Variants in HYDIN observed in about 807,000 individuals in gnomAD.
The protein encoded by HYDIN is axonemal central pair apparatus protein HYDIN.
Under a neutral mutation model 403.9 loss-of-function variants are expected in HYDIN, and 132 were observed. That is an observed-to-expected ratio of 0.33 (90% confidence interval 0.28 to 0.38). The LOEUF is 0.38. Among genes scored for constraint, HYDIN ranks in the 10% least tolerant of loss-of-function variants. The pLI, the probability that HYDIN is intolerant of heterozygous loss-of-function variation, is 1.00. For synonymous variants in HYDIN, 1,202 were observed against 1,891.7 expected, an observed-to-expected ratio of 0.64 and a Z score of 9.46; for missense variants, 2,827 against 5,009.5, an observed-to-expected ratio of 0.56 and a Z score of 13.15.
intron 35 of HYDIN, 40 bp downstream of exon 35, chr16:70,973,303 C>G (rs60220921): frequency 0.015 from 4,716 of 319,654 alleles, 44 homozygotes; most frequent in Middle Eastern, 0.059. Context: ...TCAAAGAGGT[C>G]CAGAGAATCT....
Position 70,857,846 on chromosome 16 carries a change from G to C in HYDIN, c.12154C>G (p.His4052Asp), listed in dbSNP as rs868484151. 1.2e-6 allele frequency: 2 copies of C among 1,613,026 alleles called. No homozygotes were observed. Among genetic ancestry groups the C allele is most frequent in the African/African-American group, 1.3e-5 (1 of 74,636 alleles). Residue 4052 changes from histidine (H) to aspartate (D), a missense_variant, in exon 72 of 86, where the codon CAT becomes GAT. Coordinates refer to ENST00000393567, the MANE Select transcript of HYDIN (RefSeq NM_001270974.2). ...CATGATGACTCAGTGATGCCCAGAT[G>C]GAAAGGTGTGAACTGGAACACGATC... ...AEIVFQFTPF[H>D]LGITESSWTF...
rs3114613 is a variant in HYDIN at position 71,153,071 on chromosome 16, T to C, written c.717-288A>G. ...GCTTTTAACATTCATTGAGTATCCCTGCTGGGCTCAGGCACTCAAGTTAGG... is the reference window on the plus strand; with the variant it reads ...GCTTTTAACATTCATTGAGTATCCCCGCTGGGCTCAGGCACTCAAGTTAGG... On this transcript the variant is annotated intron_variant, in intron 6 of 85. Transcript: ENST00000393567. Among the ~76,000 whole-genome samples, 8 of 152,360 alleles carry C rather than the reference T, an allele frequency of 5.3e-5. No homozygotes were observed. The East Asian group carries it at 9.6e-4, about 18-fold the overall frequency.
At chr16:71,210,707 C>T (rs2088542612) in intron 1 of HYDIN, among the ~76,000 whole-genome samples, 1 of 152,136 alleles carries the variant, frequency 6.6e-6, no homozygotes, top group East Asian at 1.9e-4. Flanking sequence ...CCAGGTATGT[C>T]AGCATGTCAT....
intron 7 of HYDIN, among the ~76,000 whole-genome samples, chr16:71,137,846 A>G (rs112485180): frequency 5.7e-3 from 865 of 151,662 alleles, no homozygotes; most frequent in Non-Finnish European, 9.4e-3. Flanking sequence ...AAAAATAGAA[A>G]ACTGACTACT....
At chr16:71,026,635 T>G (rs1209506143) in intron 20 of HYDIN, among the ~76,000 whole-genome samples, 1 of 152,190 alleles carries the variant, frequency 6.6e-6, no homozygotes, top group Non-Finnish European at 1.5e-5. Flanking sequence ...GCTGATCACC[T>G]GAATAACAGA....
At chr16:70,893,824 C>T (rs2041619348) in intron 55 of HYDIN, 1 of 152,288 alleles carries the variant, frequency 6.6e-6, no homozygotes, top group Admixed American at 6.5e-5. Context: ...CACACCCAGC[C>T]TCTGTGTTTC....
chr16:71,190,290 G>A (rs1189896092), intron 1 of HYDIN, among the ~76,000 whole-genome samples: 1 of 151,552 alleles, frequency 6.6e-6, no homozygotes, highest in Non-Finnish European at 1.5e-5. Flanking sequence ...GGGTTGTCAG[G>A]GATCCAGAGC....
intron 73 of HYDIN, among the ~76,000 whole-genome samples, chr16:70,854,064 G>T (rs956356298): frequency 1.1e-4 from 17 of 149,952 alleles, no homozygotes; most frequent in Non-Finnish European, 2.2e-4. Flanking sequence ...AGTTTTAGTA[G>T]AGACGGGGTT....
intron 5 of HYDIN, among the ~76,000 whole-genome samples, chr16:71,165,410 A>G (rs1469988324): frequency 2.0e-5 from 3 of 150,544 alleles, no homozygotes; most frequent in Admixed American, 6.7e-5. Context: ...CCTATTTTCA[A>G]TGGAACTCTC....
intron 1 of HYDIN, among the ~76,000 whole-genome samples, chr16:71,194,122 T>C (rs1046166338): frequency 2.0e-5 from 3 of 152,182 alleles, no homozygotes; most frequent in East Asian, 1.9e-4. Context: ...TTTAAAAAAA[T>C]AATTTTTGGG....
intron 76 of HYDIN, among the ~76,000 whole-genome samples, chr16:70,839,361 G>A (rs1597090594): frequency 6.8e-6 from 1 of 146,438 alleles, no homozygotes; most frequent in South Asian, 2.1e-4. Flanking sequence ...TAGCCAATAT[G>A]GTGGCCACTA....
intron 28 of HYDIN, 50 bp downstream of exon 28, chr16:70,985,135 G>A (rs769284212): frequency 1.0e-5 from 16 of 1,571,148 alleles, no homozygotes; most frequent in Non-Finnish European, 1.2e-5. Context: ...CACCTGCTTC[G>A]GAGTGGGGCT....
chr16:71,167,652 A>C (rs1351851855), intron 5 of HYDIN, among the ~76,000 whole-genome samples: 1 of 152,194 alleles, frequency 6.6e-6, no homozygotes, highest in Non-Finnish European at 1.5e-5. Context: ...ATTTTTTCAT[A>C]ATCAATTCAC....
At position 70,806,100 on chromosome 16, in the gene HYDIN, T is replaced by C. The variant is rs1356242787; in HGVS notation, c.*1480A>G. Among the ~76,000 whole-genome samples, 2 of 152,222 alleles carry C rather than the reference T, an allele frequency of 1.3e-5. No homozygotes were observed. Among genetic ancestry groups the C allele is most frequent in the African/African-American group, 4.8e-5 (2 of 41,452 alleles). ...TTCAAGGAAACCTTATTTAGTTTAA[T>C]AATGGCCCCAAAGCACATGGGTAGT... On this transcript the variant is annotated 3_prime_UTR_variant, in exon 86 of 86. Coordinates refer to ENST00000393567, the MANE Select transcript of HYDIN (RefSeq NM_001270974.2).
chr16:71,114,096 G>A (rs2083928428), intron 10 of HYDIN: 1 of 151,394 alleles, frequency 6.6e-6, no homozygotes, highest in Non-Finnish European at 1.5e-5. Flanking sequence ...GATAAACCAA[G>A]ATAGCATCTC....
chr16:71,009,867 C>T (rs1197687705), intron 23 of HYDIN, among the ~76,000 whole-genome samples: 5 of 122,756 alleles, frequency 4.1e-5, no homozygotes, highest in East Asian at 2.3e-4. Context: ...CTGCAGCTTC[C>T]GGAGGGAGCA....
intron 1 of HYDIN, among the ~76,000 whole-genome samples, chr16:71,227,052 G>A (rs112211500): frequency 1.3e-5 from 2 of 151,994 alleles, no homozygotes; most frequent in African/African-American, 4.8e-5. Flanking sequence ...GTAACAAAAT[G>A]TTTTAAAAAG....
intron 23 of HYDIN, among the ~76,000 whole-genome samples, chr16:71,000,776 G>T (rs935606498): frequency 6.6e-6 from 1 of 152,042 alleles, no homozygotes; most frequent in African/African-American, 2.4e-5. Context: ...CAGAAGAGGA[G>T]ATTCTAGATG....
In HYDIN at chr16:70,908,777, C is replaced by G; in HGVS notation, c.8089G>C (p.Asp2697His). 7 of 1,614,244 alleles carry G rather than the reference C, an allele frequency of 4.3e-6. No individual in the cohort carries two copies. The highest frequency in any genetic ancestry group is 5.9e-6 in the Non-Finnish European group (7 of 1,180,048). The part of the protein sequence containing the change: ...KIDQVFEIQK[D>H]KRHMALNRKV... ...CTGTTTAAGGCCATGTGACGCTTGTCTTTCTGAATCTCGAAGACTTGGTCT... is the reference window on the plus strand; with the variant it reads ...CTGTTTAAGGCCATGTGACGCTTGTGTTTCTGAATCTCGAAGACTTGGTCT... Residue 2697 changes from aspartate (D) to histidine (H), a missense_variant, in exon 48 of 86, where the codon GAC becomes CAC. Transcript: ENST00000393567.
Sources: gnomAD v4.1 joint callset for allele counts (sites outside exome capture counted in the v4.1 genomes callset) on GRCh38, gnomAD v4.1.1 for gene constraint, MANE v1.5 for transcripts, NCBI Gene and HGNC (gene_info 2026-07-23, HGNC 2026-07-21) for gene names.